CACNA1E: variants seen among roughly 807,000 people sequenced by gnomAD.
The protein encoded by CACNA1E is calcium voltage-gated channel subunit alpha1 E.
Under a neutral mutation model 259.2 loss-of-function variants are expected in CACNA1E, and 40 were observed. The observed-to-expected ratio is 0.15, with a 90% CI of 0.12 to 0.20. The LOEUF (loss-of-function observed/expected upper bound fraction) is 0.20. Ranked by LOEUF, CACNA1E falls within the 10% of genes least tolerant of loss-of-function variation. CACNA1E has a pLI of 1.00. For synonymous variants in CACNA1E, 1,104 were observed against 1,138.5 expected, an observed-to-expected ratio of 0.97 and a Z score of 0.61; for missense variants, 1,874 against 3,040.1, an observed-to-expected ratio of 0.62 and a Z score of 9.02.
intron 2 of CACNA1E, among the ~76,000 whole-genome samples, chr1:181,458,204 G>A (rs1314620689): frequency 3.9e-5 from 6 of 152,194 alleles, no homozygotes; most frequent in Non-Finnish European, 8.8e-5. Flanking sequence ...GTCGTCTCCA[G>A]TTGGGTGGGA....
chr1:181,605,143 A>G (rs1253144869), intron 6 of CACNA1E, among the ~76,000 whole-genome samples: 1 of 152,228 alleles, frequency 6.6e-6, no homozygotes, highest in African/African-American at 2.4e-5. Flanking sequence ...TCATACATTC[A>G]CGTGCTTAAC....
intron 46 of CACNA1E, among the ~76,000 whole-genome samples, 164 bp downstream of exon 46, chr1:181,795,208 A>G (rs1054382104): frequency 6.6e-6 from 1 of 152,216 alleles, no homozygotes; most frequent in Admixed American, 6.5e-5. Flanking sequence ...TCTGACTTAC[A>G]TCCTGAAACA....
chr1:181,446,190 G>A (rs1214216940), intron 2 of CACNA1E, among the ~76,000 whole-genome samples: 1 of 152,248 alleles, frequency 6.6e-6, no homozygotes. Flanking sequence ...ACTGGGAGAG[G>A]ATGTGGCAGG....
intron 3 of CACNA1E, among the ~76,000 whole-genome samples, chr1:181,524,237 A>G (rs1285790195): frequency 1.3e-5 from 2 of 152,158 alleles, no homozygotes; most frequent in East Asian, 1.9e-4. Flanking sequence ...TTATTTTTTT[A>G]TATTTTATGT....
intron 1 of CACNA1E, among the ~76,000 whole-genome samples, chr1:181,342,186 A>G (rs1474883077): frequency 6.6e-6 from 1 of 152,220 alleles, no homozygotes; most frequent in African/African-American, 2.4e-5. Context: ...AGGTTGACGC[A>G]GGCGTGGCAT....
chr1:181,393,673 GT>G (rs912197670), intron 1 of CACNA1E, among the ~76,000 whole-genome samples: 3 of 152,104 alleles, frequency 2.0e-5, no homozygotes, highest in African/African-American at 7.2e-5. Flanking sequence ...GCCTAGGCTG[GT>G]CTCGAACTCC....
At chr1:181,713,566 T>G (rs890587928) in intron 8 of CACNA1E, among the ~76,000 whole-genome samples, 1 of 152,210 alleles carries the variant, frequency 6.6e-6, no homozygotes, top group African/African-American at 2.4e-5. Context: ...ACTCTCAGTT[T>G]TATCTGTAGC....
At chr1:181,639,174 G>A (rs543070416) in intron 6 of CACNA1E, among the ~76,000 whole-genome samples, 19 of 151,390 alleles carry the variant, frequency 1.3e-4, no homozygotes, top group South Asian at 4.2e-4. Flanking sequence ...TGCAAGCTCC[G>A]CTGACCAGGT....
rs142827356 is a variant in CACNA1E at position 181,805,160 on chromosome 1, C to T, written c.*6326C>T. On this transcript the variant is annotated 3_prime_UTR_variant, in exon 48 of 48. Transcript: ENST00000367573. ...CTACATTCTACAACCAGACCCTAGACTTTATACCAGGCTGTGCCACTTCCT... is the reference window on the plus strand; with the variant it reads ...CTACATTCTACAACCAGACCCTAGATTTTATACCAGGCTGTGCCACTTCCT... The T allele has an allele frequency of 6.6e-6, 1 of 152,288 alleles. No individual in the cohort carries two copies. The highest frequency in any genetic ancestry group is 1.5e-5 in the Non-Finnish European group (1 of 68,020). 9.4% of individuals were successfully genotyped at this position (152,288 alleles called of 1,614,324 possible). A position where few individuals can be genotyped will look rare whatever the true frequency, so the allele number is the denominator to read the frequency against.
chr1:181,688,056 A>G (rs905274587), intron 7 of CACNA1E, among the ~76,000 whole-genome samples: 5 of 152,180 alleles, frequency 3.3e-5, no homozygotes, highest in African/African-American at 1.2e-4. Flanking sequence ...TATATATTAC[A>G]TATGGTTTGT....
chr1:181,462,150 T>C (rs1325204914), intron 2 of CACNA1E, among the ~76,000 whole-genome samples: 1 of 152,228 alleles, frequency 6.6e-6, no homozygotes, highest in East Asian at 1.9e-4. Context: ...AAGTTCCTTA[T>C]TGTTTTTCAC....
At chr1:181,504,963 G>T (rs1211174369) in intron 1 of CACNA1E, among the ~76,000 whole-genome samples, 1 of 152,198 alleles carries the variant, frequency 6.6e-6, no homozygotes, top group Non-Finnish European at 1.5e-5. Context: ...TGCCAGTAAA[G>T]TTTATGAAAT....
intron 3 of CACNA1E, among the ~76,000 whole-genome samples, chr1:181,558,768 T>C (rs113238455): frequency 3.3e-5 from 5 of 152,298 alleles, no homozygotes; most frequent in African/African-American, 9.6e-5. Context: ...TTTAGAAAGA[T>C]CACTCTAGTA....
chr1:181,494,989 G>A (rs1664627215), intron 1 of CACNA1E, among the ~76,000 whole-genome samples: 3 of 152,110 alleles, frequency 2.0e-5, no homozygotes, highest in Admixed American at 6.5e-5. Context: ...TATTGTACGC[G>A]ATATTCTTGT....
intron 7 of CACNA1E, among the ~76,000 whole-genome samples, chr1:181,683,738 C>T (rs993906149): frequency 5.9e-5 from 9 of 152,232 alleles, no homozygotes; most frequent in African/African-American, 2.2e-4. Flanking sequence ...TGTCCTCCAA[C>T]TGCAACATGT....
chr1:181,356,611 A>G (rs1174898873), intron 1 of CACNA1E, among the ~76,000 whole-genome samples: 1 of 152,140 alleles, frequency 6.6e-6, no homozygotes. Context: ...GCCTTCAGGG[A>G]GAAGAGAGCC....
chr1:181,464,995 C>T (rs182190842), intron 2 of CACNA1E, among the ~76,000 whole-genome samples: 133 of 152,202 alleles, frequency 8.7e-4, no homozygotes, highest in African/African-American at 3.1e-3. Context: ...ACACCATTTT[C>T]TTGCAGACCA....
intron 9 of CACNA1E, 45 bp from the exon 10 acceptor site, chr1:181,715,995 G>A (rs1418454998): frequency 2.2e-5 from 30 of 1,366,484 alleles, no homozygotes; most frequent in Non-Finnish European, 3.1e-5. Flanking sequence ...GAATGGTCTG[G>A]GTGTACTTGT....
At chr1:181,757,594 G>C (rs1658199303) in intron 30 of CACNA1E, among the ~76,000 whole-genome samples, 1 of 152,194 alleles carries the variant, frequency 6.6e-6, no homozygotes, top group African/African-American at 2.4e-5. Flanking sequence ...GGGACTGTAA[G>C]AGAAATGCGA....
Sources: allele counts gnomAD v4.1 joint callset (sites outside exome capture counted in the v4.1 genomes callset), GRCh38; gene constraint gnomAD v4.1.1; transcripts MANE v1.5; gene names NCBI Gene and HGNC (gene_info 2026-07-23, HGNC 2026-07-21).